Variants in CCDC171 observed in about 807,000 individuals in gnomAD.
CCDC171 encodes coiled-coil domain-containing protein 171.
A neutral mutation model predicts 168.2 loss-of-function variants in CCDC171; 177 were observed. That is an observed-to-expected ratio of 1.05 (90% CI 0.93 to 1.19). The LOEUF (loss-of-function observed/expected upper bound fraction) is 1.19, where lower values mean the gene tolerates loss of function less well. Ranked by LOEUF, CCDC171 falls within the 50% of genes most tolerant of loss-of-function variation. The pLI is 0.00. For synonymous variants in CCDC171, 687 were observed against 540.8 expected (o/e 1.27, Z -3.75); for missense variants, 1,991 against 1,539.0 (o/e 1.29, Z -4.91).
chr9:15,703,174 G>C (rs1380443134), intron 11 of CCDC171, among the ~76,000 whole-genome samples: 1 of 152,152 alleles, frequency 6.6e-6, no homozygotes, highest in Non-Finnish European at 1.5e-5. Context: ...CCAAAGTGCT[G>C]GGATTACAGG....
Position 15,853,529 on chromosome 9 carries a change from TTA to T in CCDC171, c.3468+4584_3468+4585del, listed in dbSNP as rs931594059. 2.3e-4 allele frequency among the ~76,000 whole-genome samples: 35 copies of T among 151,720 alleles called. No individual in the cohort carries two copies. The Middle Eastern group carries it at 0.014, about 59-fold the overall frequency. On this transcript the variant is annotated intron_variant, in intron 23 of 25. Coordinates refer to ENST00000380701, the MANE Select transcript of CCDC171 (RefSeq NM_173550.4). ...TCTTTAGGATTTTCTACATGTAAGA[TTA>T]TGTTATCTATGAGTATAGTTTTACT...
chr9:15,756,164 C>T (rs1381728577), intron 18 of CCDC171, among the ~76,000 whole-genome samples: 1 of 151,998 alleles, frequency 6.6e-6, no homozygotes, highest in Non-Finnish European at 1.5e-5. Flanking sequence ...GATGGATCCA[C>T]TAATCAACAA....
intron 10 of CCDC171, among the ~76,000 whole-genome samples, chr9:15,680,489 C>T (rs1431267462): frequency 1.3e-5 from 2 of 152,194 alleles, no homozygotes; most frequent in East Asian, 3.9e-4. Context: ...CTGCCCATAT[C>T]GAAAGCTAAT....
chr9:15,599,611 C>T (rs905868681), intron 6 of CCDC171, among the ~76,000 whole-genome samples: 1 of 152,258 alleles, frequency 6.6e-6, no homozygotes, highest in Non-Finnish European at 1.5e-5. Context: ...TTTGGTGAAT[C>T]TGACAATTAT....
At chr9:15,814,885 A>G (rs1331227676) in intron 21 of CCDC171, among the ~76,000 whole-genome samples, 1 of 152,210 alleles carries the variant, frequency 6.6e-6, no homozygotes. Flanking sequence ...AGTAATTAGA[A>G]TATTGACATC....
chr9:15,961,014 CA>C (rs905318263), intron 25 of CCDC171, among the ~76,000 whole-genome samples: 10 of 146,844 alleles, frequency 6.8e-5, no homozygotes, highest in Middle Eastern at 3.4e-3. Context: ...GAGGGGCATG[CA>C]AAAAAAAATG....
At chr9:15,759,744 A>T (rs1588341406) in intron 18 of CCDC171, among the ~76,000 whole-genome samples, 1 of 152,194 alleles carries the variant, frequency 6.6e-6, no homozygotes, top group Non-Finnish European at 1.5e-5. Context: ...CTTATGATAC[A>T]GTGTCATAAC....
chr9:15,578,792 T>A, intron 3 of CCDC171, 57 bp from the exon 4 acceptor site: 3 of 1,370,590 alleles, frequency 2.2e-6, no homozygotes, highest in Non-Finnish European at 3.0e-6. Flanking sequence ...CTTAAATGTT[T>A]GAGTGTATGA....
chr9:15,813,892 A>C (rs1402583216), intron 21 of CCDC171, among the ~76,000 whole-genome samples: 1 of 152,248 alleles, frequency 6.6e-6, no homozygotes, highest in East Asian at 1.9e-4. Flanking sequence ...TTTTAATTTA[A>C]TTTAGTTGAG....
rs536530577 is a variant in CCDC171 at position 15,819,783 on chromosome 9, A to G, written c.3268-26919A>G. 2.5e-4 allele frequency among the ~76,000 whole-genome samples: 29 copies of G among 117,218 alleles called. 8 individuals are homozygous for G. Among genetic ancestry groups the G allele is most frequent in the African/African-American group, 7.4e-4 (23 of 31,132 alleles). 76.9% of individuals were successfully genotyped at this position (117,218 alleles called of 152,430 possible). ...ACTGTCAATATTAGACAGATCAACG[A>G]GACAGAAAGTTAACAAGGATATCCA... On this transcript the variant is annotated intron_variant, in intron 21 of 25. Coordinates refer to ENST00000380701, the MANE Select transcript of CCDC171 (RefSeq NM_173550.4).
chr9:15,690,828 G>T (rs1006522822), intron 10 of CCDC171, among the ~76,000 whole-genome samples: 3 of 152,072 alleles, frequency 2.0e-5, no homozygotes, highest in Non-Finnish European at 4.4e-5. Flanking sequence ...ATATAAAAAT[G>T]GGCACATGAT....
At chr9:15,629,026 T>A (rs897251910) in intron 7 of CCDC171, among the ~76,000 whole-genome samples, 21 of 152,176 alleles carry the variant, frequency 1.4e-4, no homozygotes, top group African/African-American at 5.1e-4. Context: ...CAAAAACCCT[T>A]CTGTACATCA....
chr9:15,955,545 A>G (rs1829705642), intron 25 of CCDC171, among the ~76,000 whole-genome samples: 1 of 152,148 alleles, frequency 6.6e-6, no homozygotes, highest in African/African-American at 2.4e-5. Context: ...ATGGGGCTGG[A>G]AGTGGGAGAT....
intron 21 of CCDC171, among the ~76,000 whole-genome samples, chr9:15,787,032 C>T (rs746572373): frequency 6.6e-6 from 1 of 152,040 alleles, no homozygotes; most frequent in Non-Finnish European, 1.5e-5. Flanking sequence ...TTTAGGTGGT[C>T]TTCTATATGG....
chr9:16,093,205 A>T, the CCDC171 span, among the ~76,000 whole-genome samples: 32 of 152,328 alleles, frequency 2.1e-4, no homozygotes, highest in Admixed American at 2.1e-3. Flanking sequence ...CTTTGATGAA[A>T]AGCAAATACG....
chr9:15,846,135 A>T (rs1463969902), intron 21 of CCDC171, among the ~76,000 whole-genome samples: 2 of 152,088 alleles, frequency 1.3e-5, no homozygotes, highest in African/African-American at 4.8e-5. Context: ...TTTACTGGGA[A>T]GCAAGTAGAT....
chr9:15,840,660 A>T (rs1030015533), intron 21 of CCDC171, among the ~76,000 whole-genome samples: 1 of 152,106 alleles, frequency 6.6e-6, no homozygotes, highest in African/African-American at 2.4e-5. Context: ...CATTACTGTC[A>T]CATTACTGCT....
chr9:15,680,277 T>G (rs555939809), intron 10 of CCDC171, among the ~76,000 whole-genome samples: 2 of 152,220 alleles, frequency 1.3e-5, no homozygotes, highest in African/African-American at 4.8e-5. Context: ...GACCCCACCA[T>G]GGAGGGTGTA....
intron 21 of CCDC171, among the ~76,000 whole-genome samples, chr9:15,802,399 C>T (rs1402618940): frequency 6.6e-6 from 1 of 152,000 alleles, no homozygotes; most frequent in African/African-American, 2.4e-5. Flanking sequence ...TCCTGATCCT[C>T]TCCCTCCTCC....
Sources: gnomAD v4.1 joint callset for allele counts (sites outside exome capture counted in the v4.1 genomes callset) on GRCh38, gnomAD v4.1.1 for gene constraint, MANE v1.5 for transcripts, NCBI Gene and HGNC (gene_info 2026-07-23, HGNC 2026-07-21) for gene names.